Variants in CCSER1 observed in about 807,000 individuals in gnomAD.
CCSER1 encodes coiled-coil serine rich protein 1.
In CCSER1, 41 loss-of-function variants were observed where a neutral mutation model predicts 82.0. The ratio of observed to expected loss-of-function variants is 0.50; its 90% CI spans 0.39 to 0.65. The LOEUF is 0.65. Ranked by LOEUF, CCSER1 falls within the 30% of genes least tolerant of loss-of-function variation. CCSER1 has a pLI of 0.00. For synonymous variants in CCSER1, 414 were observed against 383.9 expected, an observed-to-expected ratio of 1.08 and a Z score of -0.92; for missense variants, 1,119 against 1,064.2, an observed-to-expected ratio of 1.05 and a Z score of -0.72.
intron 4 of CCSER1, among the ~76,000 whole-genome samples, chr4:90,459,126 A>G (rs1261224125): frequency 1.3e-5 from 2 of 152,246 alleles, no homozygotes; most frequent in Non-Finnish European, 2.9e-5. Context: ...AGATACAGAT[A>G]TAAACACAGG....
chr4:91,106,864 C>T (rs1239112355), intron 10 of CCSER1, among the ~76,000 whole-genome samples: 1 of 152,134 alleles, frequency 6.6e-6, no homozygotes, highest in Non-Finnish European at 1.5e-5. Context: ...TAATTATTGA[C>T]AATGTGGTAT....
At chr4:90,269,082 A>G (rs779477033) in intron 1 of CCSER1, among the ~76,000 whole-genome samples, 1 of 152,134 alleles carries the variant, frequency 6.6e-6, no homozygotes, top group African/African-American at 2.4e-5. Flanking sequence ...AGGTAGATCA[A>G]TACAATAGCT....
At chr4:90,421,610 A>G (rs1001098869) in intron 4 of CCSER1, among the ~76,000 whole-genome samples, 11 of 151,988 alleles carry the variant, frequency 7.2e-5, no homozygotes, top group African/African-American at 2.4e-4. Flanking sequence ...AGATGTTTCA[A>G]TTGAAGGGTT....
At chr4:91,434,490 G>A (rs1447624827) in intron 10 of CCSER1, among the ~76,000 whole-genome samples, 1 of 152,046 alleles carries the variant, frequency 6.6e-6, no homozygotes, top group Non-Finnish European at 1.5e-5. Context: ...AAATGAGATA[G>A]GGTGTCCTCT....
chr4:90,133,034 T>C (rs1369227832), intron 1 of CCSER1, among the ~76,000 whole-genome samples: 1 of 152,134 alleles, frequency 6.6e-6, no homozygotes, highest in Non-Finnish European at 1.5e-5. Flanking sequence ...GACTGATTGA[T>C]TCAGAAGCTC....
chr4:91,144,191 T>C lies in CCSER1; in HGVS notation c.2217+58197T>C, dbSNP rs536161512. On this transcript the variant is annotated intron_variant, in intron 10 of 10. Transcript: ENST00000509176. ...AATTTCTTCTTGATTCAATATTTGT[T>C]GGTCATGTGTTTCCAGGAATTTATC... 7.9e-5 allele frequency among the ~76,000 whole-genome samples: 12 copies of C among 152,108 alleles called. No homozygotes were observed. The South Asian group carries it at 1.9e-3, about 24-fold the overall frequency.
At chr4:91,161,665 A>G (rs977057574) in intron 10 of CCSER1, among the ~76,000 whole-genome samples, 2 of 152,134 alleles carry the variant, frequency 1.3e-5, no homozygotes, top group Non-Finnish European at 1.5e-5. Flanking sequence ...CTTTGTAGCA[A>G]TTGTGAAAGG....
chr4:91,293,269 G>A (rs2149222155), intron 10 of CCSER1, among the ~76,000 whole-genome samples: 1 of 151,710 alleles, frequency 6.6e-6, no homozygotes, highest in Non-Finnish European at 1.5e-5. Context: ...TATATAAATA[G>A]ATCTTTTATT....
chr4:90,430,223 T>C (rs1334782949), intron 4 of CCSER1, among the ~76,000 whole-genome samples: 3 of 151,960 alleles, frequency 2.0e-5, no homozygotes, highest in Non-Finnish European at 4.4e-5. Flanking sequence ...GTTATGCAAG[T>C]GAATATTTAT....
At chr4:90,479,934 TC>T (rs1765681215) in intron 5 of CCSER1, among the ~76,000 whole-genome samples, 1 of 152,222 alleles carries the variant, frequency 6.6e-6, no homozygotes, top group Non-Finnish European at 1.5e-5. Flanking sequence ...TAGTTCCAGA[TC>T]CCTGAAGAAT....
chr4:90,482,926 T>G (rs891723106), intron 5 of CCSER1, among the ~76,000 whole-genome samples: 2 of 152,200 alleles, frequency 1.3e-5, no homozygotes, highest in Non-Finnish European at 2.9e-5. Flanking sequence ...CTGGATATCC[T>G]TGTTAACTTT....
chr4:91,485,158 TA>T (rs1195533838), intron 10 of CCSER1, among the ~76,000 whole-genome samples: 14 of 148,858 alleles, frequency 9.4e-5, no homozygotes, highest in Admixed American at 1.3e-4. Flanking sequence ...TATGAAACAG[TA>T]AAAAAAAAAT....
chr4:90,272,855 T>A (rs1168919235), intron 1 of CCSER1, among the ~76,000 whole-genome samples: 1 of 152,014 alleles, frequency 6.6e-6, no homozygotes, highest in Non-Finnish European at 1.5e-5. Flanking sequence ...ATACAAAAAT[T>A]CGCTGAGCAT....
At chr4:91,213,795 C>T (rs1255176035) in intron 10 of CCSER1, among the ~76,000 whole-genome samples, 1 of 152,268 alleles carries the variant, frequency 6.6e-6, no homozygotes, top group Non-Finnish European at 1.5e-5. Context: ...TTGAGCTTCA[C>T]CCCTATTCCC....
In CCSER1 at chr4:91,113,268, G is replaced by C. The variant is rs78511137; in HGVS notation, c.2217+27274G>C. On this transcript the variant is annotated intron_variant, in intron 10 of 10. Coordinates refer to ENST00000509176, the MANE Select transcript of CCSER1 (RefSeq NM_001145065.2). ...GCATGACATTGTGTTGGGAGGCTCT[G>C]AGTTGCAAGGGAGACCTTCTTGAGA... Among the ~76,000 whole-genome samples, 1,448 of 152,264 alleles carry C rather than the reference G, an allele frequency of 9.5e-3. 36 individuals carry two copies. Among genetic ancestry groups the C allele is most frequent in the African/African-American group, 0.033 (1,388 of 41,540 alleles).
chr4:90,325,977 A>G (rs917890596), intron 3 of CCSER1, among the ~76,000 whole-genome samples: 1 of 151,254 alleles, frequency 6.6e-6, no homozygotes, highest in Non-Finnish European at 1.5e-5. Flanking sequence ...AAACTATCAC[A>G]TTTGTAATGT....
intron 1 of CCSER1, among the ~76,000 whole-genome samples, chr4:90,167,299 A>C (rs1342436894): frequency 6.6e-6 from 1 of 152,100 alleles, no homozygotes; most frequent in African/African-American, 2.4e-5. Context: ...AATTTTAAGG[A>C]TACTACTACC....
chr4:91,564,003 C>T (rs1762773055), intron 10 of CCSER1, among the ~76,000 whole-genome samples: 1 of 151,674 alleles, frequency 6.6e-6, no homozygotes, highest in Non-Finnish European at 1.5e-5. Context: ...AAGCCCAGTA[C>T]CCAGTAGTTA....
chr4:91,496,646 A>C lies in CCSER1; in HGVS notation c.2218-101926A>C, dbSNP rs1192790140. Among the ~76,000 whole-genome samples, 5 of 44,514 alleles carry C rather than the reference A, an allele frequency of 1.1e-4. 1 individual carries two copies. Among genetic ancestry groups the C allele is most frequent in the African/African-American group, 3.1e-4 (5 of 16,016 alleles). 29.2% of individuals were successfully genotyped at this position (44,514 alleles called of 152,430 possible). A position where few individuals can be genotyped will look rare whatever the true frequency, so the allele number is the denominator to read the frequency against. ...TATATATTTGAATATATATATATTC[A>C]ATATATATTGAATATATATATATTC... On this transcript the variant is annotated intron_variant, in intron 10 of 10. Transcript: ENST00000509176.
Sources: gnomAD v4.1 joint callset for allele counts (sites outside exome capture counted in the v4.1 genomes callset) on GRCh38, gnomAD v4.1.1 for gene constraint, MANE v1.5 for transcripts, NCBI Gene and HGNC (gene_info 2026-07-23, HGNC 2026-07-21) for gene names.